The following EYS variants were observed in gnomAD, a reference collection of about 807,000 sequenced individuals.
EYS encodes EGF-like photoreceptor maintenance factor.
Under a neutral mutation model 282.1 loss-of-function variants are expected in EYS, and 250 were observed. The observed-to-expected ratio is 0.89, with a 90% CI of 0.80 to 0.98. The LOEUF is 0.98. Among genes scored for constraint, EYS ranks in the 50% least tolerant of loss-of-function variants. The pLI is 0.00. For missense variants in EYS, 4,016 were observed against 3,709.0 expected (o/e 1.08, Z -2.15); for synonymous variants, 1,355 against 1,282.9 (o/e 1.06, Z -1.20).
chr6:64,320,447 C>T (rs1437513432), intron 29 of EYS, among the ~76,000 whole-genome samples: 1 of 151,752 alleles, frequency 6.6e-6, no homozygotes, highest in Non-Finnish European at 1.5e-5. Flanking sequence ...TTTTATTCTG[C>T]AGTGTGTAAT....
chr6:64,356,349 G>T (rs1302656709), intron 29 of EYS, among the ~76,000 whole-genome samples: 1 of 151,480 alleles, frequency 6.6e-6, no homozygotes, highest in Non-Finnish European at 1.5e-5. Context: ...CTTGCCATTT[G>T]AATGCTATTT....
chr6:65,578,226 CAATAG>C (rs1413010063), intron 2 of EYS, among the ~76,000 whole-genome samples: 2 of 151,224 alleles, frequency 1.3e-5, no homozygotes, highest in African/African-American at 4.8e-5. Flanking sequence ...TATATACACA[CAATAG>C]AATACTACTT....
intron 22 of EYS, among the ~76,000 whole-genome samples, chr6:64,682,046 T>C (rs1769917851): frequency 6.6e-6 from 1 of 152,112 alleles, no homozygotes. Flanking sequence ...AAACAAGCAG[T>C]TAATATTCTC....
At chr6:65,280,944 G>A (rs1289312937) in intron 12 of EYS, among the ~76,000 whole-genome samples, 4 of 146,336 alleles carry the variant, frequency 2.7e-5, no homozygotes, top group Non-Finnish European at 4.5e-5. Flanking sequence ...GCTGAGACAG[G>A]AGAATCGCTT....
At chr6:65,195,490 C>T (rs1452179989) in intron 12 of EYS, among the ~76,000 whole-genome samples, 1 of 152,004 alleles carries the variant, frequency 6.6e-6, no homozygotes, top group Non-Finnish European at 1.5e-5. Flanking sequence ...ATATTGCATA[C>T]TTCCTTTTCC....
intron 12 of EYS, among the ~76,000 whole-genome samples, chr6:65,288,182 TAAATGGACCTGTAGG>T (rs1242829595): frequency 6.6e-6 from 1 of 151,028 alleles, no homozygotes; most frequent in East Asian, 1.9e-4. Context: ...GTAAGGAGTA[TAAATGGACCTGTAGG>T]AAATGACAAA....
intron 5 of EYS, among the ~76,000 whole-genome samples, chr6:65,432,463 A>G (rs1265520956): frequency 1.3e-5 from 2 of 152,092 alleles, no homozygotes; most frequent in Non-Finnish European, 1.5e-5. Flanking sequence ...AAAAAAATGA[A>G]ACAAAAGAGG....
chr6:64,626,955 T>C (rs1325714860), intron 22 of EYS, among the ~76,000 whole-genome samples: 1 of 152,198 alleles, frequency 6.6e-6, no homozygotes, highest in African/African-American at 2.4e-5. Flanking sequence ...TGCTCCATAA[T>C]TGGAAGAATA....
rs1158150622 is a variant in EYS, at chr6:65,519,686, C to CTATATATA, written c.-332-23701_-332-23694dup. Among the ~76,000 whole-genome samples, 118 of 39,730 alleles carry CTATATATA rather than the reference C, an allele frequency of 3.0e-3. 2 individuals are homozygous for CTATATATA. The highest frequency in any genetic ancestry group is 0.011 in the East Asian group (9 of 828). The allele number at this position is 39,730 out of a possible 152,430, so 26.1% of individuals were successfully genotyped here. ...AGAACACTTGCAAAAACTATAATAA[C>CTATATATA]TATATATATATATATATATATATTT... On this transcript the variant is annotated intron_variant, in intron 2 of 42. Transcript: ENST00000503581.
intron 2 of EYS, among the ~76,000 whole-genome samples, chr6:65,627,846 G>A (rs1262962064): frequency 6.6e-6 from 1 of 152,194 alleles, no homozygotes; most frequent in African/African-American, 2.4e-5. Context: ...GGGCTCCTGT[G>A]CGCCCGAGCC....
intron 22 of EYS, among the ~76,000 whole-genome samples, chr6:64,766,642 AAAAAAAAATATATATAT>A (rs1360867116): frequency 1.5e-4 from 5 of 34,094 alleles, no homozygotes; most frequent in East Asian, 1.1e-3. Flanking sequence ...AAAAAAAAAA[AAAAAAAAATATATATAT>A]ATATATATAT....
intron 31 of EYS, among the ~76,000 whole-genome samples, chr6:64,158,073 T>C (rs1022836591): frequency 1.3e-5 from 2 of 152,176 alleles, no homozygotes; most frequent in Non-Finnish European, 2.9e-5. Flanking sequence ...CCCAAGACCA[T>C]GGGAACCCAC....
At chr6:64,913,959 A>C (rs777154440) in intron 15 of EYS, among the ~76,000 whole-genome samples, 2 of 152,174 alleles carry the variant, frequency 1.3e-5, no homozygotes, top group Non-Finnish European at 2.9e-5. Flanking sequence ...CTTCTAGCTC[A>C]GTCTAGTCCT....
intron 12 of EYS, among the ~76,000 whole-genome samples, chr6:65,294,923 A>T (rs1768621498): frequency 1.3e-5 from 2 of 151,936 alleles, no homozygotes; most frequent in East Asian, 3.9e-4. Context: ...TTTTGCGCTC[A>T]AATTTATTTT....
Position 64,813,527 on chromosome 6 carries a change from T to C in EYS, c.3294A>G (p.Ala1098=), listed in dbSNP as rs1562205404. Residue 1098 remains alanine (A), a synonymous_variant, in exon 22 of 43, where the codon GCA becomes GCG. Transcript: ENST00000503581. ...GTGGGCAAATGCAAGTAAATCCATGTGCTGACTTCTGACAGAAGCCTTCAT... is the reference window on the plus strand; with the variant it reads ...GTGGGCAAATGCAAGTAAATCCATGCGCTGACTTCTGACAGAAGCCTTCAT... ...CMNEGFCQKS[A]HGFTCICPRG... is the part of the protein sequence containing the mutation. The C allele has an allele frequency of 1.3e-6, 2 of 1,550,464 alleles. No homozygotes were observed. The highest frequency in any genetic ancestry group is 2.0e-5 in the Admixed American group (1 of 50,928).
rs1766228771 is a variant in EYS at position 65,495,564 on chromosome 6, T to G, written c.-154A>C. 1 of 678,386 alleles carries G rather than the reference T, an allele frequency of 1.5e-6. No individual in the cohort carries two copies. The highest frequency in any genetic ancestry group is 2.6e-5 in the Admixed American group (1 of 38,488). 42.0% of individuals were successfully genotyped at this position (678,386 alleles called of 1,614,324 possible). A position where few individuals can be genotyped will look rare whatever the true frequency, so the allele number is the denominator to read the frequency against. ...ATACCCAAAGTAGCTTTGATGACAATGTGCTTTGATGGAGAAACAGGAATT... is the reference window on the plus strand; with the variant it reads ...ATACCCAAAGTAGCTTTGATGACAAGGTGCTTTGATGGAGAAACAGGAATT... On this transcript the variant is annotated 5_prime_UTR_variant, in exon 4 of 43. Coordinates refer to ENST00000503581, the MANE Select transcript of EYS (RefSeq NM_001142800.2).
rs150982609 is a variant in EYS at position 65,361,744 on chromosome 6, A to T, written c.1300-8127T>A. Among the ~76,000 whole-genome samples the T allele has an allele frequency of 2.6e-5, 4 of 152,064 alleles. No homozygotes were observed. In the East Asian group the frequency reaches 7.8e-4, roughly 29 times the overall value. On this transcript the variant is annotated intron_variant, in intron 8 of 42. Transcript: ENST00000503581. ...GATCTGTCCATTTCAGCCTCCCAAC[A>T]TGCTGGGATTACAGGCATGCACCAC...
chr6:64,804,880 G>A (rs1478643535), intron 22 of EYS, among the ~76,000 whole-genome samples: 3 of 149,572 alleles, frequency 2.0e-5, no homozygotes, highest in African/African-American at 7.3e-5. Context: ...CTATTAAAAT[G>A]TATCACATAC....
intron 26 of EYS, among the ~76,000 whole-genome samples, chr6:64,518,219 A>G (rs1777621276): frequency 6.6e-6 from 1 of 151,838 alleles, no homozygotes. Flanking sequence ...ATGCAGTCTA[A>G]GAAATAGACC....
Sources: allele counts gnomAD v4.1 joint callset (sites outside exome capture counted in the v4.1 genomes callset), GRCh38; gene constraint gnomAD v4.1.1; transcripts MANE v1.5; gene names NCBI Gene and HGNC (gene_info 2026-07-23, HGNC 2026-07-21).